SGCD: variants seen among roughly 807,000 people sequenced by gnomAD.
SGCD encodes sarcoglycan delta, also known as delta-sarcoglycan.
A neutral mutation model predicts 36.6 loss-of-function variants in SGCD; 18 were observed. That is an observed-to-expected ratio of 0.49 (90% confidence interval 0.34 to 0.73). SGCD has a LOEUF of 0.73. Ranked by LOEUF, SGCD falls within the 30% of genes least tolerant of loss-of-function variation. The pLI is 0.01. For missense variants in SGCD, 387 were observed against 346.7 expected (o/e 1.12, Z -0.92); for synonymous variants, 133 against 130.6 (o/e 1.02, Z -0.12).
chr5:155,791,333 T>C, the SGCD span, among the ~76,000 whole-genome samples: 4 of 151,990 alleles, frequency 2.6e-5, no homozygotes, highest in African/African-American at 9.7e-5. Flanking sequence ...CTAGAACCAT[T>C]CCTCTCGAGA....
chr5:155,840,301 T>C, the SGCD span, among the ~76,000 whole-genome samples: 2 of 151,170 alleles, frequency 1.3e-5, no homozygotes. Context: ...TGGAGTGCAG[T>C]GGCGTGATCT....
upstream of SGCD, among the ~76,000 whole-genome samples, chr5:156,321,900 C>G (rs918207836): frequency 2.6e-5 from 4 of 152,126 alleles, no homozygotes; most frequent in Non-Finnish European, 5.9e-5. Context: ...GTACATCTCT[C>G]CCCCCATCCT....
chr5:155,784,890 G>T, the SGCD span, among the ~76,000 whole-genome samples: 1 of 151,768 alleles, frequency 6.6e-6, no homozygotes, highest in Non-Finnish European at 1.5e-5. Context: ...AATTTATGAG[G>T]ATTCTCTTTT....
At chr5:156,125,113 G>A (rs1336532460) in intron 3 of SGCD, among the ~76,000 whole-genome samples, 2 of 152,160 alleles carry the variant, frequency 1.3e-5, no homozygotes, top group African/African-American at 2.4e-5. Context: ...TTCAAGAGAA[G>A]TTGTAGGATG....
chr5:156,425,975 G>C (rs951205351), intron 3 of SGCD, among the ~76,000 whole-genome samples: 1 of 151,972 alleles, frequency 6.6e-6, no homozygotes, highest in Non-Finnish European at 1.5e-5. Context: ...GGGTATTTAC[G>C]TTGGTTTCAT....
chr5:156,115,633 G>A (rs971414781), intron 1 of SGCD, among the ~76,000 whole-genome samples: 3 of 151,720 alleles, frequency 2.0e-5, no homozygotes, highest in African/African-American at 4.8e-5. Context: ...TTTTTCTTAG[G>A]TATTGTTTGT....
intron 1 of SGCD, among the ~76,000 whole-genome samples, chr5:156,076,496 A>G (rs1434052145): frequency 6.6e-6 from 1 of 152,210 alleles, no homozygotes; most frequent in Non-Finnish European, 1.5e-5. Context: ...GCATGTGGGA[A>G]GGATTGAAGT....
At chr5:155,904,096 C>T (rs1350996291) in intron 1 of SGCD, among the ~76,000 whole-genome samples, 1 of 152,184 alleles carries the variant, frequency 6.6e-6, no homozygotes, top group African/African-American at 2.4e-5. Flanking sequence ...TGAAAATAGG[C>T]ATCTTCATAT....
intron 1 of SGCD, among the ~76,000 whole-genome samples, chr5:155,942,334 G>C (rs4704879): frequency 0.91 from 125,715 of 138,726 alleles, 57,029 homozygotes; most frequent in Admixed American, 0.93. Flanking sequence ...ATGTATGTAT[G>C]TATCTATCTA....
the SGCD span, among the ~76,000 whole-genome samples, chr5:155,805,547 G>C: frequency 1.3e-4 from 20 of 152,196 alleles, no homozygotes; most frequent in Non-Finnish European, 1.6e-4. Context: ...ATGTTTAGCA[G>C]CATCTCTGGC....
At chr5:156,402,793 G>C (rs540703460) in intron 3 of SGCD, among the ~76,000 whole-genome samples, 2 of 152,278 alleles carry the variant, frequency 1.3e-5, no homozygotes, top group African/African-American at 4.8e-5. Flanking sequence ...GTTCTACTTG[G>C]ACGAGCTTGA....
At chr5:156,625,595 A>T (rs1167085642) in intron 6 of SGCD, among the ~76,000 whole-genome samples, 2 of 152,172 alleles carry the variant, frequency 1.3e-5, no homozygotes, top group African/African-American at 4.8e-5. Flanking sequence ...ATGATGTAAA[A>T]TCTGCCCCTT....
intron 1 of SGCD, among the ~76,000 whole-genome samples, chr5:156,081,843 G>A (rs932513644): frequency 5.3e-5 from 8 of 152,160 alleles, no homozygotes; most frequent in Non-Finnish European, 8.8e-5. Flanking sequence ...AATGTGCACG[G>A]AGGATACAAA....
chr5:156,296,736 G>T (rs1431674142), intron 3 of SGCD, among the ~76,000 whole-genome samples: 1 of 152,072 alleles, frequency 6.6e-6, no homozygotes, highest in Non-Finnish European at 1.5e-5. Context: ...AAATGTTGGA[G>T]GAGCATCTGA....
chr5:156,252,158 C>A (rs1765598000), intron 3 of SGCD, among the ~76,000 whole-genome samples: 1 of 151,872 alleles, frequency 6.6e-6, no homozygotes, highest in Non-Finnish European at 1.5e-5. Context: ...ACCTCCGCCT[C>A]CCGGGTTCAA....
At chr5:155,977,509 G>T (rs1175800767) in intron 1 of SGCD, among the ~76,000 whole-genome samples, 1 of 152,124 alleles carries the variant, frequency 6.6e-6, no homozygotes, top group Non-Finnish European at 1.5e-5. Context: ...AATATATGTG[G>T]AATAAATGAA....
intron 3 of SGCD, among the ~76,000 whole-genome samples, chr5:156,362,092 G>A (rs1769827067): frequency 6.6e-6 from 1 of 152,178 alleles, no homozygotes; most frequent in Non-Finnish European, 1.5e-5. Context: ...GTCAAGAAAA[G>A]GGAATTGCCA....
chr5:156,144,272 C>G lies in SGCD; in HGVS notation c.-44+20253C>G, dbSNP rs574058837. On this transcript the variant is annotated intron_variant, in intron 3 of 9. Transcript: ENST00000517913. ...ATACCCAGTAATGGGATGGCTGGGT[C>G]AAATGGTATTTCTAGTTCTAGATCC... 5.1e-3 allele frequency among the ~76,000 whole-genome samples: 781 copies of G among 152,094 alleles called. 6 individuals carry two copies. Among genetic ancestry groups the G allele is most frequent in the African/African-American group, 0.018 (754 of 41,462 alleles).
the SGCD span, among the ~76,000 whole-genome samples, chr5:155,800,360 C>T: frequency 6.6e-6 from 1 of 152,114 alleles, no homozygotes; most frequent in South Asian, 2.1e-4. Context: ...TCAAATTAGA[C>T]AGGTGTATGA....
Sources: allele counts gnomAD v4.1 joint callset (sites outside exome capture counted in the v4.1 genomes callset), GRCh38; gene constraint gnomAD v4.1.1; transcripts MANE v1.5; gene names NCBI Gene and HGNC (gene_info 2026-07-23, HGNC 2026-07-21).